The following OXCT1 variants were observed in gnomAD, a reference collection of about 807,000 sequenced individuals.
OXCT1 encodes 3-oxoacid CoA-transferase 1.
Under a neutral mutation model 69.6 loss-of-function variants are expected in OXCT1, and 27 were observed. That is an observed-to-expected ratio of 0.39 (90% CI 0.29 to 0.54). The LOEUF (loss-of-function observed/expected upper bound fraction) is 0.54, where lower values mean the gene tolerates loss of function less well. Ranked by LOEUF, OXCT1 falls within the 20% of genes least tolerant of loss-of-function variation. The probability of loss-of-function intolerance (pLI) is 0.72; values close to 1 mark genes in which losing one functional copy is unlikely to be tolerated. For missense variants in OXCT1, 437 were observed against 650.2 expected (o/e 0.67, Z 3.57); for synonymous variants, 202 against 217.8 (o/e 0.93, Z 0.64).
chr5:41,746,954 C>A (rs1305690606), intron 15 of OXCT1, among the ~76,000 whole-genome samples: 1 of 152,148 alleles, frequency 6.6e-6, no homozygotes, highest in Non-Finnish European at 1.5e-5. Flanking sequence ...ATCTCTCTAT[C>A]TGTCCTATGG....
At chr5:41,736,905 C>G (rs1742911796) in intron 16 of OXCT1, among the ~76,000 whole-genome samples, 1 of 152,136 alleles carries the variant, frequency 6.6e-6, no homozygotes, top group Non-Finnish European at 1.5e-5. Context: ...CAGTGATAAC[C>G]ACAGGGAATA....
intron 7 of OXCT1, among the ~76,000 whole-genome samples, chr5:41,828,692 A>G (rs1183135450): frequency 6.6e-6 from 1 of 152,170 alleles, no homozygotes; most frequent in Non-Finnish European, 1.5e-5. Context: ...ATACAAATTC[A>G]CATTATTCTA....
intron 3 of OXCT1, among the ~76,000 whole-genome samples, chr5:41,856,353 T>C (rs1406282498): frequency 6.6e-6 from 1 of 151,980 alleles, no homozygotes; most frequent in African/African-American, 2.4e-5. Flanking sequence ...ATAAAGAAAG[T>C]TGGTTGGGGG....
intron 15 of OXCT1, among the ~76,000 whole-genome samples, chr5:41,741,727 A>C (rs2112008456): frequency 6.6e-6 from 1 of 152,332 alleles, no homozygotes; most frequent in South Asian, 2.1e-4. Context: ...AACCTGGTTG[A>C]CATTACTGGA....
intron 13 of OXCT1, among the ~76,000 whole-genome samples, chr5:41,773,175 A>G (rs906728196): frequency 2.0e-5 from 3 of 152,318 alleles, no homozygotes; most frequent in East Asian, 3.9e-4. Context: ...TTAAGTCAAC[A>G]GTGCCAGGCA....
chr5:41,765,242 T>C (rs1744540909), intron 13 of OXCT1, among the ~76,000 whole-genome samples: 1 of 152,010 alleles, frequency 6.6e-6, no homozygotes, highest in Non-Finnish European at 1.5e-5. Flanking sequence ...TTCCAGACAA[T>C]GGAAAAAATG....
intron 14 of OXCT1, among the ~76,000 whole-genome samples, chr5:41,755,299 A>G (rs923848666): frequency 6.6e-5 from 10 of 152,158 alleles, no homozygotes; most frequent in Non-Finnish European, 1.2e-4. Context: ...ACGTTTTTGC[A>G]GGCATTTCTA....
chr5:41,804,477 A>C (rs1427169665), intron 9 of OXCT1, among the ~76,000 whole-genome samples: 1 of 152,152 alleles, frequency 6.6e-6, no homozygotes, highest in African/African-American at 2.4e-5. Context: ...ACAATAACTG[A>C]ATAAAGAACA....
intron 13 of OXCT1, among the ~76,000 whole-genome samples, chr5:41,782,401 A>G (rs910904626): frequency 3.3e-5 from 5 of 151,964 alleles, no homozygotes; most frequent in Admixed American, 2.6e-4. Context: ...TTTTGTAAAG[A>G]TCGGGTTTCA....
intron 7 of OXCT1, among the ~76,000 whole-genome samples, chr5:41,827,049 C>T (rs1294373318): frequency 1.3e-5 from 2 of 152,268 alleles, no homozygotes; most frequent in East Asian, 1.9e-4. Flanking sequence ...TCCTCCTCTC[C>T]ACCACTCAAG....
chr5:41,836,964 CAATA>C (rs1432756585), intron 7 of OXCT1, among the ~76,000 whole-genome samples: 1 of 152,154 alleles, frequency 6.6e-6, no homozygotes, highest in African/African-American at 2.4e-5. Flanking sequence ...TTTAAATTCA[CAATA>C]AACATACTCA....
chr5:41,756,108 A>G (rs1030614210), intron 14 of OXCT1, among the ~76,000 whole-genome samples: 3 of 152,104 alleles, frequency 2.0e-5, no homozygotes, highest in Non-Finnish European at 4.4e-5. Context: ...CAACTTCATA[A>G]CAATTATTCT....
intron 4 of OXCT1, among the ~76,000 whole-genome samples, chr5:41,851,637 T>C (rs977568170): frequency 3.8e-4 from 58 of 151,884 alleles, no homozygotes; most frequent in African/African-American, 1.4e-3. Flanking sequence ...CAAAATAAGC[T>C]GCCAGAGCCA....
At chr5:41,809,114 G>A (rs536333663) in intron 7 of OXCT1, among the ~76,000 whole-genome samples, 50 of 151,178 alleles carry the variant, frequency 3.3e-4, no homozygotes, top group African/African-American at 1.2e-3. Context: ...TAAAATGCAA[G>A]ATTTTGTATA....
At chr5:41,848,549 G>C (rs1749034326) in intron 5 of OXCT1, among the ~76,000 whole-genome samples, 5 of 145,822 alleles carry the variant, frequency 3.4e-5, no homozygotes, top group Admixed American at 2.1e-4. Context: ...CAAGGCTACA[G>C]TAACCAAAAC....
intron 7 of OXCT1, among the ~76,000 whole-genome samples, chr5:41,823,025 C>G (rs1489513542): frequency 1.3e-5 from 2 of 152,126 alleles, no homozygotes; most frequent in Non-Finnish European, 2.9e-5. Flanking sequence ...TTTCTGCATT[C>G]TGTAGTTTTA....
intron 13 of OXCT1, among the ~76,000 whole-genome samples, chr5:41,772,854 G>A (rs1427697247): frequency 1.3e-5 from 2 of 152,108 alleles, no homozygotes; most frequent in Non-Finnish European, 2.9e-5. Flanking sequence ...CTCAGGACAA[G>A]GAGAACCATG....
At position 41,801,058 on chromosome 5, in the gene OXCT1, G is replaced by A; in HGVS notation, c.1063C>T (p.Arg355Ter). Reference protein sequence around the residue: ...NGVLGLGPYPRQHEADADLIN... With the variant: ...NGVLGLGPYP ...AGATCTGCATCAGCTTCATGTTGTC[G>A]TGGATATGGACCCTGTCAAATACAA... Residue 355 changes from arginine (R) to a stop codon, truncating the protein, a stop_gained, in exon 11 of 17, where the codon CGA (arginine) becomes TGA (stop). Coordinates refer to ENST00000196371, the MANE Select transcript of OXCT1 (RefSeq NM_000436.4). LOFTEE classifies it high-confidence loss of function. 1 of 1,611,110 alleles carries A rather than the reference G, an allele frequency of 6.2e-7. No homozygotes were observed. The highest frequency in any genetic ancestry group is 8.5e-7 in the Non-Finnish European group (1 of 1,177,460).
At chr5:41,742,887 A>G (rs1460590514) in intron 15 of OXCT1, among the ~76,000 whole-genome samples, 1 of 152,184 alleles carries the variant, frequency 6.6e-6, no homozygotes. Context: ...ATTGATGGGC[A>G]TTTGGGTTGG....
Sources: gnomAD v4.1 joint callset for allele counts (sites outside exome capture counted in the v4.1 genomes callset) on GRCh38, gnomAD v4.1.1 for gene constraint, MANE v1.5 for transcripts, NCBI Gene and HGNC (gene_info 2026-07-23, HGNC 2026-07-21) for gene names.